Variants in TXNDC16 observed in about 807,000 individuals in gnomAD.
The protein encoded by TXNDC16 is thioredoxin domain-containing protein 16.
In TXNDC16, 74 loss-of-function variants were observed where a neutral mutation model predicts 85.6. The observed-to-expected ratio is 0.86, with a 90% confidence interval of 0.72 to 1.05. The LOEUF (loss-of-function observed/expected upper bound fraction) is 1.05. Ranked by LOEUF, TXNDC16 falls within the 50% of genes least tolerant of loss-of-function variation. The probability of loss-of-function intolerance (pLI) is 0.00; values close to 1 mark genes in which losing one functional copy is unlikely to be tolerated. For synonymous variants in TXNDC16, 335 were observed against 326.5 expected (o/e 1.03, Z -0.28); for missense variants, 959 against 947.0 (o/e 1.01, Z -0.17).
intron 6 of TXNDC16, among the ~76,000 whole-genome samples, chr14:52,530,566 T>TAATA (rs1211511572): frequency 9.0e-5 from 6 of 66,616 alleles, no homozygotes; most frequent in African/African-American, 1.2e-4. Context: ...ATATTATATA[T>TAATA]AATAATATAT....
In TXNDC16 at chr14:52,470,144, G is replaced by GTTAT. The variant is rs1401567189; in HGVS notation, c.1507_1510dup (p.Thr504AsnfsTer17). 1 of 1,607,420 alleles carries GTTAT rather than the reference G, an allele frequency of 6.2e-7. No homozygotes were observed. ...ATATTCTTCTGCTTCTTGGATCGAT[G>GTTAT]TTATATTCACTGGATATGAAATCCT... On this transcript the variant is annotated frameshift_variant, in exon 16 of 21. Coordinates refer to ENST00000281741, the MANE Select transcript of TXNDC16 (RefSeq NM_020784.3). LOFTEE classifies it high-confidence loss of function.
rs1334152387 is a variant in TXNDC16 at position 52,536,764 on chromosome 14, G to A, written c.347C>T (p.Thr116Ile). 2 of 1,611,916 alleles carry A rather than the reference G, an allele frequency of 1.2e-6. No individual in the cohort carries two copies. Among genetic ancestry groups the A allele is most frequent in the South Asian group, 1.1e-5 (1 of 90,704 alleles). Residue 116 changes from threonine to isoleucine, a missense_variant, in exon 6 of 21, where the codon ACT (threonine) becomes ATT (isoleucine). Thr to Ile is a moderately conservative substitution (Grantham distance 89, BLOSUM62 -1). Coordinates refer to ENST00000281741, the MANE Select transcript of TXNDC16 (RefSeq NM_020784.3). ...KGNILLREFP[T>I]DTLFDVNAIV... is the part of the protein sequence containing the mutation. ...GGCATTCACATCAAACAAGGTGTCA[G>A]TAGGGAATTCTCTGAGCAATATGTT...
intron 9 of TXNDC16, among the ~76,000 whole-genome samples, chr14:52,493,941 C>G (rs2036473382): frequency 6.6e-6 from 1 of 151,734 alleles, no homozygotes; most frequent in Non-Finnish European, 1.5e-5. Context: ...TCACCAAGCC[C>G]AGCTAATTTT....
chr14:52,498,212 T>C (rs750744472), intron 9 of TXNDC16, among the ~76,000 whole-genome samples: 2 of 152,150 alleles, frequency 1.3e-5, no homozygotes, highest in Admixed American at 1.3e-4. Flanking sequence ...TAAAAAACTG[T>C]GAACTTTCCC....
chr14:52,480,288 A>G (rs907681921), intron 14 of TXNDC16, among the ~76,000 whole-genome samples: 1 of 152,190 alleles, frequency 6.6e-6, no homozygotes, highest in African/African-American at 2.4e-5. Context: ...AGGACCCAAA[A>G]GCAAACACAA....
chr14:52,530,415 ATAATATTAT>A (rs2037506765), intron 6 of TXNDC16, among the ~76,000 whole-genome samples: 1 of 22,192 alleles, frequency 4.5e-5, no homozygotes, highest in African/African-American at 2.5e-4. Context: ...TAATTATTAT[ATAATATTAT>A]ATATAATAAT....
At chr14:52,487,072 G>A (rs1007160033) in intron 12 of TXNDC16, among the ~76,000 whole-genome samples, 1 of 152,112 alleles carries the variant, frequency 6.6e-6, no homozygotes, top group Admixed American at 6.6e-5. Context: ...TCAAACAGGC[G>A]ACTCCCACTG....
At chr14:52,508,919 C>T (rs996803779) in intron 9 of TXNDC16, among the ~76,000 whole-genome samples, 3 of 151,684 alleles carry the variant, frequency 2.0e-5, no homozygotes, top group Non-Finnish European at 4.4e-5. Context: ...GTGGGGGCAG[C>T]GGGGAGGGAT....
Position 52,530,419 on chromosome 14 carries a change from TATTATATATAATAATATATA to T in TXNDC16, c.392+6280_392+6299del, listed in dbSNP as rs1354390008. Among the ~76,000 whole-genome samples, 23 of 14,444 alleles carry T rather than the reference TATTATATATAATAATATATA, an allele frequency of 1.6e-3. 5 individuals are homozygous for T. Among genetic ancestry groups the T allele is most frequent in the African/African-American group, 0.012 (23 of 1,938 alleles). 9.5% of individuals were successfully genotyped at this position (14,444 alleles called of 152,430 possible). On this transcript the variant is annotated intron_variant, in intron 6 of 20. Transcript: ENST00000281741. ...AATATAATATATAATTATTATATAA[TATTATATATAATAATATATA>T]ATATATTATTATATAATAATATATA...
At chr14:52,496,725 T>G (rs1285402066) in intron 9 of TXNDC16, among the ~76,000 whole-genome samples, 2 of 151,390 alleles carry the variant, frequency 1.3e-5, no homozygotes, top group Admixed American at 6.6e-5. Flanking sequence ...TCCCACCACC[T>G]CAGCCTCCCA....
Position 52,530,555 on chromosome 14 carries a change from A to ATAATAATATAATAT in TXNDC16, c.392+6163_392+6164insATATTATATTATTA, listed in dbSNP as rs1234869789. 4.6e-5 allele frequency among the ~76,000 whole-genome samples: 2 copies of ATAATAATATAATAT among 43,908 alleles called. 1 individual carries two copies. Among genetic ancestry groups the ATAATAATATAATAT allele is most frequent in the African/African-American group, 2.1e-4 (2 of 9,580 alleles). 28.8% of individuals were successfully genotyped at this position (43,908 alleles called of 152,430 possible). On this transcript the variant is annotated intron_variant, in intron 6 of 20. Transcript: ENST00000281741. Reference sequence around the variant, plus strand: ...ATAATAATATAATATATAATTATATAATATTATATATAATAATATATAATT... The same window carrying ATAATAATATAATAT: ...ATAATAATATAATATATAATTATATATAATAATATAATATATATTATATATAATAATATATAATT...
rs2034891508 is a variant in TXNDC16, at chr14:52,431,387, G to A, written c.*917C>T. The A allele has an allele frequency of 6.6e-6, 1 of 152,184 alleles. No homozygotes were observed. Among genetic ancestry groups the A allele is most frequent in the South Asian group, 2.1e-4 (1 of 4,822 alleles). The allele number at this position is 152,184 out of a possible 1,614,324, so 9.4% of individuals were successfully genotyped here. On this transcript the variant is annotated 3_prime_UTR_variant, in exon 21 of 21. Transcript: ENST00000281741. Reference sequence around the variant, plus strand: ...TCACTTAAAATATAAATATCATTCTGAGTCCTCTTCTAGGGTTATCCCATC... The same window carrying A: ...TCACTTAAAATATAAATATCATTCTAAGTCCTCTTCTAGGGTTATCCCATC...
rs1409162294 is a variant in TXNDC16, at chr14:52,542,411, G to A, written c.203C>T (p.Ala68Val). 5.0e-5 allele frequency: 81 copies of A among 1,612,536 alleles called. No individual in the cohort carries two copies. The highest frequency in any genetic ancestry group is 6.6e-5 in the Non-Finnish European group (78 of 1,179,284). The change falls in exon 4 of 21, where the codon GCT (alanine) becomes GTT (valine). Residue 68 changes from alanine (A) to valine (V), a missense_variant. Transcript: ENST00000281741. The part of the protein sequence containing the change: ...TSVFLEELNE[A>V]VRPLQDYGIS... ...TCCATAGTCCTGCAGAGGTCTAACA[G>A]CCTCATTCAGTTCTTCAAGAAATAC...
chr14:52,516,643 G>T (rs1162762096), intron 7 of TXNDC16, among the ~76,000 whole-genome samples: 1 of 152,036 alleles, frequency 6.6e-6, no homozygotes, highest in South Asian at 2.1e-4. Context: ...TTCAGTTCTG[G>T]GAAATTTTCT....
Position 52,465,389 on chromosome 14 carries a change from G to C in TXNDC16, c.1618+4648C>G, listed in dbSNP as rs569831717. On this transcript the variant is annotated intron_variant, in intron 16 of 20. Transcript: ENST00000281741. ...GGGTGGATCACGAGGTGAGGAGATC[G>C]AGACCATCCTGGCTAACACGGTGAA... 2.4e-3 allele frequency among the ~76,000 whole-genome samples: 358 copies of C among 152,136 alleles called. 1 individual carries two copies. The highest frequency in any genetic ancestry group is 8.1e-3 in the African/African-American group (335 of 41,492).
intron 16 of TXNDC16, among the ~76,000 whole-genome samples, chr14:52,462,266 G>A (rs2035669796): frequency 6.6e-6 from 1 of 152,002 alleles, no homozygotes; most frequent in African/African-American, 2.4e-5. Flanking sequence ...TTCCTGTGTA[G>A]CCTAGGCTGG....
intron 4 of TXNDC16, among the ~76,000 whole-genome samples, chr14:52,539,471 T>G (rs112863519): frequency 6.6e-6 from 1 of 152,166 alleles, no homozygotes; most frequent in Non-Finnish European, 1.5e-5. Flanking sequence ...ACAAAGCCAG[T>G]GTCCACAACA....
chr14:52,537,519 G>T, intron 5 of TXNDC16, 80 bp downstream of exon 5: 1 of 1,060,630 alleles, frequency 9.4e-7, no homozygotes, highest in Non-Finnish European at 1.4e-6. Context: ...CTTTATTCTA[G>T]CTCAGTGATA....
At position 52,525,989 on chromosome 14, in the gene TXNDC16, T is replaced by A. The variant is rs540970665; in HGVS notation, c.393-6696A>T. Among the ~76,000 whole-genome samples the A allele has an allele frequency of 2.6e-5, 4 of 152,102 alleles. No individual in the cohort carries two copies. In the South Asian group the frequency reaches 8.3e-4, roughly 32 times the overall value. ...TATGTAGTTATATTATATTTAAAATTTTTTTTACTGTTGTATTGTTATATT... is the reference window on the plus strand; with the variant it reads ...TATGTAGTTATATTATATTTAAAATATTTTTTACTGTTGTATTGTTATATT... On this transcript the variant is annotated intron_variant, in intron 6 of 20. Coordinates refer to ENST00000281741, the MANE Select transcript of TXNDC16 (RefSeq NM_020784.3).
Sources: gnomAD v4.1 joint callset for allele counts (sites outside exome capture counted in the v4.1 genomes callset) on GRCh38, gnomAD v4.1.1 for gene constraint, MANE v1.5 for transcripts, NCBI Gene and HGNC (gene_info 2026-07-23, HGNC 2026-07-21) for gene names.